The following PCDHGA3 variants were observed in gnomAD, a reference collection of about 807,000 sequenced individuals.
PCDHGA3 encodes the protein protocadherin gamma subfamily A, 3.
In PCDHGA3, 40 loss-of-function variants were observed where a neutral mutation model predicts 58.5. That is an observed-to-expected ratio of 0.68 (90% CI 0.53 to 0.89). The LOEUF (loss-of-function observed/expected upper bound fraction) is 0.89, where lower values mean the gene tolerates loss of function less well. Among genes scored for constraint, PCDHGA3 ranks in the 40% least tolerant of loss-of-function variants. The probability of loss-of-function intolerance (pLI) is 0.00; values close to 1 mark genes in which losing one functional copy is unlikely to be tolerated. For synonymous variants in PCDHGA3, 530 were observed against 525.7 expected (o/e 1.01, Z -0.11); for missense variants, 1,223 against 1,195.9 (o/e 1.02, Z -0.33).
rs755576652 is a variant in PCDHGA3 at position 141,410,511 on chromosome 5, G to A, written c.2424+64054G>A. 4.3e-6 allele frequency: 7 copies of A among 1,613,942 alleles called. No individual in the cohort carries two copies. In the Admixed American group the frequency reaches 8.3e-5, roughly 19 times the overall value. On this transcript the variant is annotated intron_variant, in intron 1 of 3. Transcript: ENST00000253812. ...AAAGAGTTTAATTTCCTAAAATGCA[G>A]TGTGCCCCTACATTCCAATGAAGAC... is the stretch of plus-strand genomic sequence containing the variant.
At chr5:141,367,492 G>A (rs1260519213) in intron 1 of PCDHGA3, 2 of 152,030 alleles carry the variant, frequency 1.3e-5, no homozygotes, top group African/African-American at 2.4e-5. Context: ...AGCCGAGATC[G>A]CGCCACTGCA....
At chr5:141,499,025 GAAGA>G (rs1309889371) in intron 2 of PCDHGA3, among the ~76,000 whole-genome samples, 11 of 140,712 alleles carry the variant, frequency 7.8e-5, no homozygotes, top group African/African-American at 2.6e-4. Flanking sequence ...AGGAAGGAAG[GAAGA>G]AAAGAAAGAA....
intron 1 of PCDHGA3, chr5:141,357,399 AGG>A: frequency 6.2e-7 from 1 of 1,614,238 alleles, no homozygotes; most frequent in Non-Finnish European, 8.5e-7. Context: ...GCAGGTTGGC[AGG>A]TGTGCCTGCC....
intron 1 of PCDHGA3, chr5:141,360,361 A>G (rs778766026): frequency 6.2e-7 from 1 of 1,613,910 alleles, no homozygotes; most frequent in Non-Finnish European, 8.5e-7. Flanking sequence ...GGAATATTTC[A>G]CAGTAAACCC....
At chr5:141,413,931 A>T (rs776911095) in intron 1 of PCDHGA3, 1 of 1,613,254 alleles carries the variant, frequency 6.2e-7, no homozygotes, top group Non-Finnish European at 8.5e-7. Flanking sequence ...CAGAATACCG[A>T]GTGAGTGTTC....
chr5:141,371,170 C>T lies in PCDHGA3; in HGVS notation c.2424+24713C>T, dbSNP rs1228264781. 7 of 1,613,892 alleles carry T rather than the reference C, an allele frequency of 4.3e-6. No homozygotes were observed. The Admixed American group carries it at 1.0e-4, about 23-fold the overall frequency. On this transcript the variant is annotated intron_variant, in intron 1 of 3. Coordinates refer to ENST00000253812, the MANE Select transcript of PCDHGA3 (RefSeq NM_018916.4). Reference sequence around the variant, plus strand: ...GTTGCAGAGAACCTGCCCGCTGGCTCCTCCGTATTAAAAGTGATGGCCATT... The same window carrying T: ...GTTGCAGAGAACCTGCCCGCTGGCTTCTCCGTATTAAAAGTGATGGCCATT...
intron 1 of PCDHGA3, chr5:141,409,865 C>A: frequency 6.2e-7 from 1 of 1,612,574 alleles, no homozygotes; most frequent in Non-Finnish European, 8.5e-7. Flanking sequence ...GGTGGGAGAC[C>A]GCAATGACAA....
Position 141,476,072 on chromosome 5 carries a change from C to A in PCDHGA3, c.2425-18735C>A. 1.3e-6 allele frequency: 2 copies of A among 1,523,462 alleles called. No individual in the cohort carries two copies. The highest frequency in any genetic ancestry group is 1.3e-5 in the South Asian group (1 of 77,998). 94.4% of individuals were successfully genotyped at this position (1,523,462 alleles called of 1,614,324 possible). The stretch of plus-strand genomic sequence containing the variant: ...CGCTGAAAGTTTCTCAGCGAAATCT[C>A]AGGGACGATCTGGACCCCGCTGAGA... On this transcript the variant is annotated intron_variant, in intron 1 of 3. Coordinates refer to ENST00000253812, the MANE Select transcript of PCDHGA3 (RefSeq NM_018916.4). The surrounding 1 kb of genome is among the most constrained non-coding windows in gnomAD (Gnocchi z 7.6).
At chr5:141,355,789 G>A in intron 1 of PCDHGA3, 2 of 1,613,670 alleles carry the variant, frequency 1.2e-6, no homozygotes, top group Non-Finnish European at 1.7e-6. Context: ...GCTGGTGCTG[G>A]AACGCGCTCT....
chr5:141,486,090 G>T lies in PCDHGA3; in HGVS notation c.2425-8717G>T, dbSNP rs190955361. 2.5e-6 allele frequency: 4 copies of T among 1,614,086 alleles called. No individual in the cohort carries two copies. In the East Asian group the frequency reaches 8.9e-5, roughly 36 times the overall value. On this transcript the variant is annotated intron_variant, in intron 1 of 3. Transcript: ENST00000253812. This position sits in a 1 kb window ranked among gnomAD's most constrained non-coding sequence, Gnocchi z 5.0. Reference sequence around the variant, plus strand: ...ACTACTGGAAAGCTTACTCTTTTGGGGCCCCTAGACTTTGAGAGTGAGAAT... The same window carrying T: ...ACTACTGGAAAGCTTACTCTTTTGGTGCCCCTAGACTTTGAGAGTGAGAAT...
intron 1 of PCDHGA3, chr5:141,355,939 T>G: frequency 6.2e-7 from 1 of 1,613,842 alleles, no homozygotes; most frequent in Non-Finnish European, 8.5e-7. Context: ...TCAGCCCGAG[T>G]ACCACGTAAG....
At chr5:141,409,351 G>A (rs756967611) in intron 1 of PCDHGA3, 7 of 1,613,982 alleles carry the variant, frequency 4.3e-6, no homozygotes, top group Non-Finnish European at 5.9e-6. Flanking sequence ...GAGAAGTCAG[G>A]TGTAATATAG....
At chr5:141,505,666 G>T (rs904221281) in intron 3 of PCDHGA3, among the ~76,000 whole-genome samples, 185 bp downstream of exon 3, 3 of 152,180 alleles carry the variant, frequency 2.0e-5, no homozygotes, top group Non-Finnish European at 4.4e-5. Context: ...ACAGCAGAGG[G>T]GTTGGGGGTC....
chr5:141,475,139 C>T (rs928313061), intron 1 of PCDHGA3, among the ~76,000 whole-genome samples: 2 of 151,928 alleles, frequency 1.3e-5, no homozygotes, highest in African/African-American at 4.8e-5. Flanking sequence ...TTTTTGAAAT[C>T]TTCTCCGTCT....
chr5:141,475,947 C>A, intron 1 of PCDHGA3: 1 of 748,120 alleles, frequency 1.3e-6, no homozygotes, highest in Non-Finnish European at 2.1e-6. Context: ...CGTCCCCTTT[C>A]TGCGCCCCGG....
intron 1 of PCDHGA3, chr5:141,415,176 C>T: frequency 6.2e-7 from 1 of 1,613,934 alleles, no homozygotes; most frequent in Non-Finnish European, 8.5e-7. Context: ...TCACCGTGGC[C>T]GTGGCCGACA....
At position 141,345,526 on chromosome 5, in the gene PCDHGA3, G is replaced by A; in HGVS notation, c.1493G>A (p.Gly498Glu). 1 of 1,614,106 alleles carries A rather than the reference G, an allele frequency of 6.2e-7. No homozygotes were observed. Among genetic ancestry groups the A allele is most frequent in the Non-Finnish European group, 8.5e-7 (1 of 1,180,006 alleles). ...GCATTGACCGAGGACACTCTCCAGG[G>A]GGCGCCCCTGTCCTCCTTCGTCTCT... ...TYALTEDTLQ[G>E]APLSSFVSIN... Residue 498 changes from glycine to glutamate, a missense_variant, in exon 1 of 4, where the codon GGG (glycine) becomes GAG (glutamate). Gly to Glu is a moderately conservative substitution (Grantham distance 98). Coordinates refer to ENST00000253812, the MANE Select transcript of PCDHGA3 (RefSeq NM_018916.4).
At chr5:141,433,111 C>T (rs2097569323) in intron 1 of PCDHGA3, 1 of 1,613,966 alleles carries the variant, frequency 6.2e-7, no homozygotes, top group African/African-American at 1.3e-5. Context: ...GCCAGGAGAG[C>T]TTTGAAAAAA....
In PCDHGA3 at chr5:141,346,456, A is replaced by T. The variant is rs1338617478; in HGVS notation, c.2423A>T (p.Gln808Leu). The T allele has an allele frequency of 2.3e-5, 37 of 1,614,084 alleles. No homozygotes were observed. Among genetic ancestry groups the T allele is most frequent in the Non-Finnish European group, 2.6e-5 (31 of 1,180,036 alleles). Residue 808 changes from glutamine to leucine, a missense_variant and splice_region_variant, in exon 1 of 4, where the codon CAG becomes CTG. Around this residue, in one of 3 missense-constraint regions of PCDHGA3, gnomAD observed 325 missense variants for 327.5 expected, o/e 0.99. Transcript: ENST00000253812. ...ATGAAAGGAGATTCCAACCTACTTC[A>T]GGTGAGTTTATTTATTTCTTTGATT... ...LEMKGDSNLL[Q>L]QAPPNTDWRF...
Sources: gnomAD v4.1 joint callset for allele counts (sites outside exome capture counted in the v4.1 genomes callset) on GRCh38, gnomAD v4.1.1 for gene constraint, gnomAD v4.1.1 regional missense constraint, Gnocchi (gnomAD v3.1) non-coding constraint, MANE v1.5 for transcripts, NCBI Gene and HGNC (gene_info 2026-07-23, HGNC 2026-07-21) for gene names.